The following C12orf43 variants were observed in gnomAD, a reference collection of about 807,000 sequenced individuals.
C12orf43 encodes protein CUSTOS.
In C12orf43, 15 loss-of-function variants were observed where a neutral mutation model predicts 20.6. The ratio of observed to expected loss-of-function variants is 0.73; its 90% CI spans 0.49 to 1.12. C12orf43 has a LOEUF of 1.12. Among genes scored for constraint, C12orf43 ranks in the 50% most tolerant of loss-of-function variants. The pLI is 0.00. For missense variants in C12orf43, 334 were observed against 344.4 expected (o/e 0.97, Z 0.24); for synonymous variants, 144 against 130.8 (o/e 1.10, Z -0.69).
At chr12:121,006,580 G>A (rs192061317) in intron 3 of C12orf43, 186 bp from the exon 4 acceptor site, 1 of 586,510 alleles carries the variant, frequency 1.7e-6, no homozygotes, top group Admixed American at 2.9e-5. Flanking sequence ...GCGAACTGCA[G>A]TGCTTCATTT....
At position 121,002,122 on chromosome 12, in the gene C12orf43, C is replaced by T. The variant is rs1399553089; in HGVS notation, c.*2031G>A. 1.5e-5 allele frequency: 8 copies of T among 529,874 alleles called. No homozygotes were observed. Among genetic ancestry groups the T allele is most frequent in the Admixed American group, 2.3e-5 (1 of 43,830 alleles). The allele number at this position is 529,874 out of a possible 1,614,324, so 32.8% of individuals were successfully genotyped here. A position where few individuals can be genotyped will look rare whatever the true frequency, so the allele number is the denominator to read the frequency against. On this transcript the variant is annotated 3_prime_UTR_variant, in exon 6 of 6. Coordinates refer to ENST00000288757, the MANE Select transcript of C12orf43 (RefSeq NM_022895.3). ...GCTGAGCTCACAAGGCAGCAAGGCC[C>T]GAGCAGCTGAGCAGGGCCGGGGAAC...
Position 121,000,869 on chromosome 12 carries a change from A to G in C12orf43, c.*3284T>C, listed in dbSNP as rs1225313341. ...CACTAAGATGTACTCAGGCCACTCC[A>G]TGGGCGGCCGTGGACCCTGGCTGGG... On this transcript the variant is annotated 3_prime_UTR_variant, in exon 6 of 6. Transcript: ENST00000288757. 10 of 683,794 alleles carry G rather than the reference A, an allele frequency of 1.5e-5. No homozygotes were observed. The highest frequency in any genetic ancestry group is 4.4e-5 in the Admixed American group (2 of 45,676). 42.4% of individuals were successfully genotyped at this position (683,794 alleles called of 1,614,324 possible). A position where few individuals can be genotyped will look rare whatever the true frequency, so the allele number is the denominator to read the frequency against.
intron 1 of C12orf43, 147 bp from the exon 2 acceptor site, chr12:121,011,293 A>G (rs1448304491): frequency 2.3e-5 from 10 of 427,532 alleles, no homozygotes; most frequent in Non-Finnish European, 3.6e-5. Flanking sequence ...ATATTTATAT[A>G]TAACTTAAAA....
At chr12:121,013,988 A>G (rs1253479716) in intron 1 of C12orf43, among the ~76,000 whole-genome samples, 5 of 152,218 alleles carry the variant, frequency 3.3e-5, no homozygotes, top group African/African-American at 1.2e-4. Flanking sequence ...AACAGGGGCA[A>G]AAAGAAAATT....
At position 121,001,561 on chromosome 12, in the gene C12orf43, A is replaced by C. The variant is rs1592901400; in HGVS notation, c.*2592T>G. On this transcript the variant is annotated 3_prime_UTR_variant, in exon 6 of 6. Coordinates refer to ENST00000288757, the MANE Select transcript of C12orf43 (RefSeq NM_022895.3). ...TGGAGAGCCCTGGGACCGCTACACC[A>C]CTCTGGCAGCCACACTTCTCAGGAC... 5 of 439,864 alleles carry C rather than the reference A, an allele frequency of 1.1e-5. No homozygotes were observed. The highest frequency in any genetic ancestry group is 1.1e-4 in the South Asian group (5 of 47,426). The allele number at this position is 439,864 out of a possible 1,614,324, so 27.2% of individuals were successfully genotyped here.
intron 1 of C12orf43, among the ~76,000 whole-genome samples, chr12:121,014,502 C>T (rs1439208888): frequency 2.6e-5 from 4 of 151,548 alleles, no homozygotes; most frequent in South Asian, 2.1e-4. Context: ...TGGTGGCAGG[C>T]GCCTGTAATC....
chr12:121,010,308 A>AAAAAC (rs1191391003), intron 3 of C12orf43, among the ~76,000 whole-genome samples: 2 of 152,244 alleles, frequency 1.3e-5, no homozygotes, highest in Non-Finnish European at 2.9e-5. Context: ...CTCTGTCTCA[A>AAAAAC]AAAACAAAAC....
intron 1 of C12orf43, chr12:121,012,755 G>A: frequency 3.7e-6 from 1 of 273,434 alleles, no homozygotes. Flanking sequence ...GAGAAGCTGA[G>A]GCAGGAGAAT....
chr12:121,007,170 TA>T (rs1320151878), intron 3 of C12orf43: 1 of 152,152 alleles, frequency 6.6e-6, no homozygotes, highest in Admixed American at 6.5e-5. Flanking sequence ...GACCTGTTTT[TA>T]AATTTTTTTT....
chr12:121,005,165 A>G lies in C12orf43; in HGVS notation c.362-72T>C, dbSNP rs1265473922. 2.3e-6 allele frequency: 2 copies of G among 876,576 alleles called. No homozygotes were observed. The highest frequency in any genetic ancestry group is 3.1e-6 in the Non-Finnish European group (2 of 649,396). The allele number at this position is 876,576 out of a possible 1,614,324, so 54.3% of individuals were successfully genotyped here. ...AAGAAACATAAAAAAATAAAAAATAAAGAAACAAAAAAGAAAAAAATTTTA... is the reference window on the plus strand; with the variant it reads ...AAGAAACATAAAAAAATAAAAAATAGAGAAACAAAAAAGAAAAAAATTTTA... On this transcript the variant is annotated intron_variant, in intron 4 of 5. Transcript: ENST00000288757. This position sits in a 1 kb window ranked among gnomAD's most constrained non-coding sequence, Gnocchi z 5.6.
rs1304499009 is a variant in C12orf43, at chr12:121,004,658, T to G, written c.453-169A>C. ...CAACCTGGCTTCCAATACTGGCTTC[T>G]GGGCGTAGCAGCCTTGTGACCTCCT... On this transcript the variant is annotated intron_variant, in intron 5 of 5. Transcript: ENST00000288757. The surrounding 1 kb of genome is among the most constrained non-coding windows in gnomAD (Gnocchi z 5.6). 1.3e-5 allele frequency among the ~76,000 whole-genome samples: 2 copies of G among 152,226 alleles called. No individual in the cohort carries two copies. Among genetic ancestry groups the G allele is most frequent in the Non-Finnish European group, 2.9e-5 (2 of 68,034 alleles).
intron 1 of C12orf43, among the ~76,000 whole-genome samples, chr12:121,011,403 A>C (rs1216891001): frequency 1.4e-5 from 2 of 148,088 alleles, no homozygotes; most frequent in Admixed American, 6.8e-5. Flanking sequence ...ATATATATAT[A>C]TCTTAGTTAT....
In C12orf43 at chr12:121,001,884, A is replaced by G; in HGVS notation, c.*2269T>C. 1 of 514,628 alleles carries G rather than the reference A, an allele frequency of 1.9e-6. No homozygotes were observed. The highest frequency in any genetic ancestry group is 3.8e-6 in the Non-Finnish European group (1 of 264,888). The allele number at this position is 514,628 out of a possible 1,614,324, so 31.9% of individuals were successfully genotyped here. On this transcript the variant is annotated 3_prime_UTR_variant, in exon 6 of 6. Coordinates refer to ENST00000288757, the MANE Select transcript of C12orf43 (RefSeq NM_022895.3). ...CCAGCGATTCCCTCTCCCAGGCCCC[A>G]TGACCTCCAGCTTTCCTGTATTTGT...
At position 121,001,019 on chromosome 12, in the gene C12orf43, G is replaced by T; in HGVS notation, c.*3134C>A. On this transcript the variant is annotated 3_prime_UTR_variant, in exon 6 of 6. Transcript: ENST00000288757. ...CCCTAGGGACAGGCAGGTGGGGTGG[G>T]TGTGGGTGCCTGGTGGGTGGCTAGC... The T allele has an allele frequency of 1.2e-6, 2 of 1,609,824 alleles. No individual in the cohort carries two copies. Among genetic ancestry groups the T allele is most frequent in the Non-Finnish European group, 1.7e-6 (2 of 1,179,532 alleles).
At position 121,004,983 on chromosome 12, in the gene C12orf43, G is replaced by A. The variant is rs760033749; in HGVS notation, c.452+20C>T. On this transcript the variant is annotated intron_variant, in intron 5 of 5. Transcript: ENST00000288757. This position sits in a 1 kb window ranked among gnomAD's most constrained non-coding sequence, Gnocchi z 5.6. ...GAGGAGAAAAAAGGAGGGGACGTGA[G>A]GAGAGGTGTGAGTTCTCACCTGGAG... The A allele has an allele frequency of 1.2e-5, 18 of 1,510,582 alleles. No individual in the cohort carries two copies. The highest frequency in any genetic ancestry group is 1.5e-5 in the Non-Finnish European group (17 of 1,126,078). 93.6% of individuals were successfully genotyped at this position (1,510,582 alleles called of 1,614,324 possible). A position where few individuals can be genotyped will look rare whatever the true frequency, so the allele number is the denominator to read the frequency against.
chr12:121,012,639 T>G (rs1592921255), intron 1 of C12orf43: 1 of 546,624 alleles, frequency 1.8e-6, no homozygotes, highest in East Asian at 3.4e-5. Flanking sequence ...GATCACGAGG[T>G]CAAGAGATCG....
At position 121,004,223 on chromosome 12, in the gene C12orf43, T is replaced by C; in HGVS notation, c.719A>G (p.Lys240Arg). Reference protein sequence around the residue: ...QVSLGTKKKKKAKKASETSPF... With the variant: ...QVSLGTKKKKRAKKASETSPF... Reference sequence around the variant, plus strand: ...AGAGGTCTCGCTGGCCTTCTTTGCCTTTTTCTTCTTTTTGGTCCCAAGCGA... The same window carrying C: ...AGAGGTCTCGCTGGCCTTCTTTGCCCTTTTCTTCTTTTTGGTCCCAAGCGA... Residue 240 changes from lysine (K) to arginine (R), a missense_variant, in exon 6 of 6, where the codon AAG becomes AGG. Transcript: ENST00000288757. This position sits in a 1 kb window ranked among gnomAD's most constrained non-coding sequence, Gnocchi z 5.6. 1 of 1,614,076 alleles carries C rather than the reference T, an allele frequency of 6.2e-7. No homozygotes were observed. The highest frequency in any genetic ancestry group is 8.5e-7 in the Non-Finnish European group (1 of 1,179,928).
Position 121,005,237 on chromosome 12 carries a change from A to T in C12orf43, c.362-144T>A, listed in dbSNP as rs895380000. The T allele has an allele frequency of 1.8e-5, 8 of 450,166 alleles. No homozygotes were observed. Among genetic ancestry groups the T allele is most frequent in the African/African-American group, 6.1e-5 (3 of 49,520 alleles). 27.9% of individuals were successfully genotyped at this position (450,166 alleles called of 1,614,324 possible). Reference sequence around the variant, plus strand: ...AAAGATAAAGAGAAACAAAAAAAAAATTTTAAGAAGACACAAAATAAAAAA... The same window carrying T: ...AAAGATAAAGAGAAACAAAAAAAAATTTTTAAGAAGACACAAAATAAAAAA... On this transcript the variant is annotated intron_variant, in intron 4 of 5. Transcript: ENST00000288757. This position sits in a 1 kb window ranked among gnomAD's most constrained non-coding sequence, Gnocchi z 5.6.
In C12orf43 at chr12:121,002,454, CG is replaced by C. The variant is rs1404246322; in HGVS notation, c.*1698del. The C allele has an allele frequency of 1.9e-6, 1 of 529,350 alleles. No homozygotes were observed. Among genetic ancestry groups the C allele is most frequent in the African/African-American group, 1.9e-5 (1 of 53,480 alleles). 32.8% of individuals were successfully genotyped at this position (529,350 alleles called of 1,614,324 possible). On this transcript the variant is annotated 3_prime_UTR_variant, in exon 6 of 6. Transcript: ENST00000288757. ...GCACCCCCTGCAGCTTGTAGCCAGCCGGGGCGAGTGGCACGTTTATTTAACT... is the reference window on the plus strand; with the variant it reads ...GCACCCCCTGCAGCTTGTAGCCAGCCGGGCGAGTGGCACGTTTATTTAACT...
Sources: allele counts gnomAD v4.1 joint callset (sites outside exome capture counted in the v4.1 genomes callset), GRCh38; gene constraint gnomAD v4.1.1; non-coding constraint Gnocchi (gnomAD v3.1); transcripts MANE v1.5; gene names NCBI Gene and HGNC (gene_info 2026-07-23, HGNC 2026-07-21).